The following MANSC1 variants were observed in gnomAD, a reference collection of about 807,000 sequenced individuals.
MANSC1 encodes MANSC domain-containing protein 1.
In MANSC1, 13 loss-of-function variants were observed where a neutral mutation model predicts 14.1. The observed-to-expected ratio is 0.92, with a 90% CI of 0.60 to 1.46. The LOEUF (loss-of-function observed/expected upper bound fraction) is 1.46. MANSC1 is among the 40% of genes most tolerant of loss of function. The pLI, the probability that MANSC1 is intolerant of heterozygous loss-of-function variation, is 0.00. For missense variants in MANSC1, 486 were observed against 511.4 expected (o/e 0.95, Z 0.48); for synonymous variants, 227 against 200.7 (o/e 1.13, Z -1.11).
chr12:12,346,691 C>T (rs1863013831), intron 1 of MANSC1, among the ~76,000 whole-genome samples: 3 of 152,150 alleles, frequency 2.0e-5, no homozygotes, highest in African/African-American at 7.2e-5. Flanking sequence ...ATAAATCTAG[C>T]CACATACTTT....
At chr12:12,338,916 CA>C in intron 2 of MANSC1, 1 of 281,990 alleles carries the variant, frequency 3.5e-6, no homozygotes, top group South Asian at 3.7e-5. Context: ...CACACACACA[CA>C]CCCCTAAGAC....
intron 1 of MANSC1, among the ~76,000 whole-genome samples, chr12:12,346,061 C>G (rs1863005279): frequency 6.6e-6 from 1 of 152,194 alleles, no homozygotes; most frequent in South Asian, 2.1e-4. Flanking sequence ...ATCATGAGGT[C>G]AGGAGATCAC....
rs557431947 is a variant in MANSC1 at position 12,329,041 on chromosome 12, GATCCC to G, written c.*981_*985del. ...ACACACACACAAGTTAACTAGAACA[GATCCC>G]AAGTGGATATGGCCATTTATCAGAA... On this transcript the variant is annotated 3_prime_UTR_variant, in exon 4 of 4. Transcript: ENST00000535902. 1 of 146,678 alleles carries G rather than the reference GATCCC, an allele frequency of 6.8e-6. No individual in the cohort carries two copies. The highest frequency in any genetic ancestry group is 1.5e-5 in the Non-Finnish European group (1 of 66,980). The allele number at this position is 146,678 out of a possible 1,614,324, so 9.1% of individuals were successfully genotyped here.
chr12:12,341,032 A>G (rs967559998), intron 2 of MANSC1, among the ~76,000 whole-genome samples: 1 of 152,080 alleles, frequency 6.6e-6, no homozygotes, highest in Non-Finnish European at 1.5e-5. Context: ...TTCAATTCTG[A>G]CACCAACTAT....
At chr12:12,343,523 GAAGAA>G in intron 1 of MANSC1, 109 bp from the exon 2 acceptor site, 1 of 513,240 alleles carries the variant, frequency 1.9e-6, no homozygotes, top group South Asian at 2.7e-5. Flanking sequence ...ACAATTTAGA[GAAGAA>G]AAGATACACG....
chr12:12,349,567 G>C (rs1352126039), intron 1 of MANSC1, among the ~76,000 whole-genome samples: 1 of 152,186 alleles, frequency 6.6e-6, no homozygotes. Flanking sequence ...GCGGGTGAGA[G>C]AGGATGCCCC....
rs562330384 is a variant in MANSC1, at chr12:12,330,428, T to C, written c.895A>G (p.Thr299Ala). 5.6e-6 allele frequency: 9 copies of C among 1,614,242 alleles called. No individual in the cohort carries two copies. In the African/African-American group the frequency reaches 8.0e-5, roughly 14 times the overall value. ...AAGGTGGTAGTCAGAACTGCTGTTG[T>C]AGCCATTGCTTGGAGTGTAGCCGCA... ...RAAATLQAMA[T>A]TAVLTTTFQA... is the part of the protein sequence containing the mutation. The change falls in exon 4 of 4, where the codon ACA becomes GCA. Residue 299 changes from threonine (T) to alanine (A), a missense_variant. Physicochemically the swap from Thr to Ala is moderately conservative, Grantham distance 58 (BLOSUM62 0). Coordinates refer to ENST00000535902, the MANE Select transcript of MANSC1 (RefSeq NM_018050.4).
chr12:12,335,052 G>A (rs1412754748), intron 3 of MANSC1, among the ~76,000 whole-genome samples: 4 of 152,108 alleles, frequency 2.6e-5, no homozygotes, highest in Non-Finnish European at 4.4e-5. Context: ...GTTTCCCCCA[G>A]TGCAGCAAAT....
At chr12:12,333,676 G>A (rs541297838) in intron 3 of MANSC1, among the ~76,000 whole-genome samples, 36 of 152,186 alleles carry the variant, frequency 2.4e-4, no homozygotes, top group Non-Finnish European at 1.5e-4. Flanking sequence ...GCAGCTCAGC[G>A]CCCTTAACTC....
At position 12,343,842 on chromosome 12, in the gene MANSC1, T is replaced by C. The variant is rs141733761; in HGVS notation, c.-100-428A>G. Among the ~76,000 whole-genome samples the C allele has an allele frequency of 4.6e-5, 7 of 152,332 alleles. No homozygotes were observed. In the East Asian group the frequency reaches 1.2e-3, roughly 25 times the overall value. ...ATCATCTACTAGGGGCTAGGCGTGG[T>C]AGCTCATGCCTGTAATCTCAGCACT... On this transcript the variant is annotated intron_variant, in intron 1 of 3. Transcript: ENST00000535902.
intron 2 of MANSC1, among the ~76,000 whole-genome samples, chr12:12,340,078 C>T (rs1862914930): frequency 1.3e-5 from 2 of 152,156 alleles, no homozygotes; most frequent in African/African-American, 4.8e-5. Flanking sequence ...TCCCAAAGTA[C>T]TGGGATTACA....
chr12:12,337,086 A>G (rs1017693648), intron 3 of MANSC1, among the ~76,000 whole-genome samples: 2 of 149,846 alleles, frequency 1.3e-5, no homozygotes, highest in Non-Finnish European at 3.0e-5. Flanking sequence ...CCTGGCCCAC[A>G]TGGTGAAACC....
intron 2 of MANSC1, chr12:12,338,975 G>A: frequency 5.4e-6 from 1 of 185,680 alleles, no homozygotes; most frequent in Non-Finnish European, 1.1e-5. Flanking sequence ...GGCTCCAGAG[G>A]CAGCCCGAGT....
chr12:12,340,053 C>T (rs886662914), intron 2 of MANSC1, among the ~76,000 whole-genome samples: 2 of 152,152 alleles, frequency 1.3e-5, no homozygotes, highest in African/African-American at 4.8e-5. Context: ...CTCAAGCAAT[C>T]CATCCCCCTC....
chr12:12,330,501 G>A lies in MANSC1; in HGVS notation c.822C>T (p.Val274=), dbSNP rs1862770991. The A allele has an allele frequency of 1.9e-6, 3 of 1,614,066 alleles. No homozygotes were observed. The highest frequency in any genetic ancestry group is 2.7e-5 in the African/African-American group (2 of 74,932). The part of the protein sequence containing the change: ...LATTAPPVTT[V]TSQPPTTLIS... ...TGAGGGTCGTGGGAGGCTGAGAAGT[G>A]ACAGTGGTTACAGGTGGAGCTGTGG... The change falls in exon 4 of 4, where the codon GTC becomes GTT. Residue 274 remains valine (V), a synonymous_variant. Transcript: ENST00000535902.
intron 3 of MANSC1, among the ~76,000 whole-genome samples, chr12:12,336,844 G>A (rs1862864695): frequency 6.6e-6 from 1 of 152,128 alleles, no homozygotes; most frequent in Admixed American, 6.6e-5. Context: ...CATGTTTAGT[G>A]TTGTTTCCTT....
rs750408521 is a variant in MANSC1 at position 12,330,636 on chromosome 12, C to T, written c.687G>A (p.Thr229=). 24 of 1,613,970 alleles carry T rather than the reference C, an allele frequency of 1.5e-5. No homozygotes were observed. The highest frequency in any genetic ancestry group is 8.9e-5 in the East Asian group (4 of 44,888). The change falls in exon 4 of 4, where the codon ACG becomes ACA. Residue 229 remains threonine (T), a synonymous_variant. Transcript: ENST00000535902. Reference sequence around the variant, plus strand: ...TGGTATGTGGAGAAGCAACTGCCACCGTAGCTGGGAGCGCACTCACATTTT... The same window carrying T: ...TGGTATGTGGAGAAGCAACTGCCACTGTAGCTGGGAGCGCACTCACATTTT... The part of the protein sequence containing the change: ...LPENVSALPA[T]VAVASPHTTS...
At position 12,332,624 on chromosome 12, in the gene MANSC1, G is replaced by A. The variant is rs111489336; in HGVS notation, c.365-1666C>T. Among the ~76,000 whole-genome samples, 9 of 152,130 alleles carry A rather than the reference G, an allele frequency of 5.9e-5. No individual in the cohort carries two copies. In the East Asian group the frequency reaches 1.4e-3, roughly 23 times the overall value. On this transcript the variant is annotated intron_variant, in intron 3 of 3. Transcript: ENST00000535902. ...CAACCTCTGCCTTCCAGATTCAGGC[G>A]ATTCTCCTACCTCTGCCTCCTGAGT...
rs200047115 is a variant in MANSC1 at position 12,338,423 on chromosome 12, T to A, written c.361A>T (p.Thr121Ser). 6.3e-7 allele frequency: 1 copy of A among 1,593,544 alleles called. No homozygotes were observed. Among genetic ancestry groups the A allele is most frequent in the African/African-American group, 1.4e-5 (1 of 73,688 alleles). Residue 121 changes from threonine (T) to serine (S), a missense_variant, in exon 3 of 4, where the codon ACA becomes TCA. Coordinates refer to ENST00000535902, the MANE Select transcript of MANSC1 (RefSeq NM_018050.4). ...AKGLMSYRII[T>S]DFPSLTRNLP... ...AAAAGTATAATGCTTTCATTACCTG[T>A]AATTATCCTGTAACTCATAAGTCCT... is the stretch of plus-strand genomic sequence containing the variant.
Sources: allele counts gnomAD v4.1 joint callset (sites outside exome capture counted in the v4.1 genomes callset), GRCh38; gene constraint gnomAD v4.1.1; transcripts MANE v1.5; gene names NCBI Gene and HGNC (gene_info 2026-07-23, HGNC 2026-07-21).